The following VEPH1 variants were observed in gnomAD, a reference collection of about 807,000 sequenced individuals.
VEPH1 encodes ventricular zone expressed PH domain containing 1.
VEPH1 carries 80 observed loss-of-function variants against 85.2 expected under a neutral mutation model. That is an observed-to-expected ratio of 0.94 (90% CI 0.78 to 1.13). The LOEUF (loss-of-function observed/expected upper bound fraction) is 1.13, where lower values mean the gene tolerates loss of function less well. Ranked by LOEUF, VEPH1 falls within the 50% of genes most tolerant of loss-of-function variation. VEPH1 has a pLI of 0.00. For synonymous variants in VEPH1, 297 were observed against 348.0 expected (o/e 0.85, Z 1.63); for missense variants, 955 against 980.5 (o/e 0.97, Z 0.35).
chr3:157,407,547 T>C (rs1157561573), intron 6 of VEPH1, among the ~76,000 whole-genome samples: 2 of 152,194 alleles, frequency 1.3e-5, no homozygotes, highest in East Asian at 3.9e-4. Context: ...TAGCCAGCTA[T>C]GCTTTCCACC....
At chr3:157,438,066 CACA>C in intron 4 of VEPH1, 1 of 753,222 alleles carries the variant, frequency 1.3e-6, no homozygotes. Context: ...CACACACACA[CACA>C]CACCCCTATT....
chr3:157,369,527 G>C (rs1295642382), intron 7 of VEPH1, among the ~76,000 whole-genome samples: 1 of 152,192 alleles, frequency 6.6e-6, no homozygotes, highest in Non-Finnish European at 1.5e-5. Context: ...GGGTGGTAAT[G>C]AAGTCATTGA....
At chr3:157,434,353 C>A (rs2109158681) in intron 4 of VEPH1, among the ~76,000 whole-genome samples, 1 of 152,080 alleles carries the variant, frequency 6.6e-6, no homozygotes, top group South Asian at 2.1e-4. Context: ...TTTCTGTCGC[C>A]CAGGCTGGAA....
At chr3:157,309,181 T>C (rs1719832385) in intron 11 of VEPH1, among the ~76,000 whole-genome samples, 1 of 152,160 alleles carries the variant, frequency 6.6e-6, no homozygotes, top group South Asian at 2.1e-4. Flanking sequence ...ACAAGATCCC[T>C]GCTCTCATGG....
intron 11 of VEPH1, among the ~76,000 whole-genome samples, chr3:157,289,205 T>C (rs1472922001): frequency 6.6e-6 from 1 of 152,226 alleles, no homozygotes; most frequent in Non-Finnish European, 1.5e-5. Context: ...CAATTAAGGA[T>C]CAATTTTTCA....
intron 5 of VEPH1, among the ~76,000 whole-genome samples, chr3:157,423,910 T>C (rs912174051): frequency 1.1e-4 from 16 of 151,998 alleles, no homozygotes; most frequent in African/African-American, 3.2e-4. Context: ...CACTTAAGCA[T>C]TGATTTTTTT....
intron 13 of VEPH1, among the ~76,000 whole-genome samples, chr3:157,263,381 G>A (rs937696407): frequency 2.6e-5 from 4 of 152,048 alleles, no homozygotes; most frequent in Admixed American, 2.0e-4. Flanking sequence ...TATTAAAAAA[G>A]CCATGAATCA....
rs757249335 is a variant in VEPH1 at position 157,442,830 on chromosome 3, C to T, written c.530-14342G>A. On this transcript the variant is annotated intron_variant, in intron 4 of 13. Coordinates refer to ENST00000362010, the MANE Select transcript of VEPH1 (RefSeq NM_001167912.2). ...TGAAACATTAGCCTTCTCTGGGAGACTCACAGGCTTCAATATCTGGGATAG... is the reference window on the plus strand; with the variant it reads ...TGAAACATTAGCCTTCTCTGGGAGATTCACAGGCTTCAATATCTGGGATAG... The T allele has an allele frequency of 4.0e-5, 65 of 1,614,084 alleles. No individual in the cohort carries two copies. In the Middle Eastern group the frequency reaches 4.8e-3, roughly 118 times the overall value.
intron 12 of VEPH1, among the ~76,000 whole-genome samples, chr3:157,276,837 G>T (rs1715464209): frequency 6.6e-6 from 1 of 151,972 alleles, no homozygotes; most frequent in South Asian, 2.1e-4. Context: ...GGACTGCTGT[G>T]CAATGACTGA....
At chr3:157,267,588 C>T (rs1713911022) in intron 12 of VEPH1, among the ~76,000 whole-genome samples, 1 of 151,622 alleles carries the variant, frequency 6.6e-6, no homozygotes, top group Non-Finnish European at 1.5e-5. Flanking sequence ...AGTTTGAGAC[C>T]AGCCTGGCCA....
rs148371459 is a variant in VEPH1, at chr3:157,426,938, G to A, written c.696+1384C>T. On this transcript the variant is annotated intron_variant, in intron 5 of 13. Coordinates refer to ENST00000362010, the MANE Select transcript of VEPH1 (RefSeq NM_001167912.2). ...TTCTCCTGCCTCAGCCTCCCAAGTA[G>A]ATGGGATTACAGGCTCCCGCCACTG... Among the ~76,000 whole-genome samples the A allele has an allele frequency of 8.7e-3, 1,314 of 150,814 alleles. 15 individuals are homozygous for A. The highest frequency in any genetic ancestry group is 0.031 in the African/African-American group (1,255 of 41,084).
At chr3:157,422,526 T>G (rs979408279) in intron 5 of VEPH1, among the ~76,000 whole-genome samples, 7 of 152,224 alleles carry the variant, frequency 4.6e-5, no homozygotes, top group Admixed American at 2.6e-4. Flanking sequence ...CTCCTCCTCT[T>G]GTAGCCTTCT....
intron 9 of VEPH1, among the ~76,000 whole-genome samples, chr3:157,335,981 A>G (rs1722929746): frequency 6.6e-6 from 1 of 152,076 alleles, no homozygotes; most frequent in South Asian, 2.1e-4. Flanking sequence ...CTGGACCGAG[A>G]CCCTGACATG....
chr3:157,329,347 C>T (rs973484789), intron 9 of VEPH1, among the ~76,000 whole-genome samples: 4 of 151,706 alleles, frequency 2.6e-5, no homozygotes, highest in African/African-American at 9.8e-5. Flanking sequence ...CTGAAGGCAA[C>T]AGGAATCGAA....
At chr3:157,364,679 C>T (rs908401873) in intron 7 of VEPH1, among the ~76,000 whole-genome samples, 167 bp from the exon 8 acceptor site, 1 of 152,208 alleles carries the variant, frequency 6.6e-6, no homozygotes, top group Non-Finnish European at 1.5e-5. Context: ...TTTGAAATTG[C>T]TTCTACAGCT....
At position 157,428,362 on chromosome 3, in the gene VEPH1, A is replaced by C; in HGVS notation, c.656T>G (p.Leu219Arg). The change falls in exon 5 of 14, where the codon CTA becomes CGA. Residue 219 changes from leucine to arginine, a missense_variant. By Grantham distance (102) the Leu-to-Arg change is moderately radical (BLOSUM62 -2). Transcript: ENST00000362010. Reference protein sequence around the residue: ...QLEQPEQYHLLRLLHVAAKKK... With the variant: ...QLEQPEQYHLRRLLHVAAKKK... The stretch of plus-strand genomic sequence containing the variant: ...CTTTGCTGCTACATGCAAAAGCCGT[A>C]GTAGATGGTACTGTTCTGGCTGTTC... 1 of 1,614,160 alleles carries C rather than the reference A, an allele frequency of 6.2e-7. No individual in the cohort carries two copies. Among genetic ancestry groups the C allele is most frequent in the Non-Finnish European group, 8.5e-7 (1 of 1,180,002 alleles).
intron 1 of VEPH1, among the ~76,000 whole-genome samples, chr3:157,496,691 G>T (rs1462474719): frequency 6.6e-6 from 1 of 152,194 alleles, no homozygotes; most frequent in Non-Finnish European, 1.5e-5. Flanking sequence ...CTGAGCTATT[G>T]TTGTGAGAGC....
chr3:157,262,940 A>C (rs910561864), intron 13 of VEPH1, among the ~76,000 whole-genome samples: 2 of 152,224 alleles, frequency 1.3e-5, no homozygotes, highest in African/African-American at 4.8e-5. Context: ...GATTGATACG[A>C]AAATAAAAAG....
At chr3:157,503,154 C>T (rs752498586) in intron 1 of VEPH1, 123 bp downstream of exon 1, 1 of 152,216 alleles carries the variant, frequency 6.6e-6, no homozygotes, top group Non-Finnish European at 1.5e-5. Flanking sequence ...TCAGCCAGCC[C>T]CTGGAAGTTT....
Sources: allele counts gnomAD v4.1 joint callset (sites outside exome capture counted in the v4.1 genomes callset), GRCh38; gene constraint gnomAD v4.1.1; transcripts MANE v1.5; gene names NCBI Gene and HGNC (gene_info 2026-07-23, HGNC 2026-07-21).